Variants in ADK observed in about 807,000 individuals in gnomAD.
ADK encodes N6,N6-dimethyladenosine kinase.
Under a neutral mutation model 44.7 loss-of-function variants are expected in ADK, and 24 were observed. The ratio of observed to expected loss-of-function variants is 0.54; its 90% CI spans 0.39 to 0.76. The LOEUF (loss-of-function observed/expected upper bound fraction) is 0.76. Among genes scored for constraint, ADK ranks in the 30% least tolerant of loss-of-function variants. The probability of loss-of-function intolerance (pLI) is 0.00; values close to 1 mark genes in which losing one functional copy is unlikely to be tolerated. For synonymous variants in ADK, 128 were observed against 142.6 expected, an observed-to-expected ratio of 0.90 and a Z score of 0.73; for missense variants, 321 against 425.1, an observed-to-expected ratio of 0.76 and a Z score of 2.15.
chr10:74,472,656 T>C (rs2133302869), intron 6 of ADK, among the ~76,000 whole-genome samples: 1 of 152,340 alleles, frequency 6.6e-6, no homozygotes, highest in Non-Finnish European at 1.5e-5. Flanking sequence ...TCTTTACCTG[T>C]ACATTTTTAA....
intron 7 of ADK, chr10:74,527,450 T>C (rs182372441): frequency 6.4e-5 from 32 of 499,956 alleles, no homozygotes; most frequent in African/African-American, 6.0e-4. Context: ...TTGAATGCCA[T>C]AAAAAATGCT....
At chr10:74,486,209 C>A (rs58465256) in intron 6 of ADK, among the ~76,000 whole-genome samples, 6,299 of 152,118 alleles carry the variant, frequency 0.041, 394 homozygotes, top group African/African-American at 0.13. Flanking sequence ...GTTGTCTTTT[C>A]CACACTTGCA....
At chr10:74,475,074 G>A (rs1003680096) in intron 6 of ADK, among the ~76,000 whole-genome samples, 3 of 151,862 alleles carry the variant, frequency 2.0e-5, no homozygotes, top group Non-Finnish European at 2.9e-5. Context: ...TCAGTGAGCC[G>A]AGTTCACGCC....
At chr10:74,504,862 G>C (rs1008753074) in intron 6 of ADK, among the ~76,000 whole-genome samples, 3 of 152,068 alleles carry the variant, frequency 2.0e-5, no homozygotes, top group African/African-American at 7.2e-5. Flanking sequence ...TGTTTCCTGA[G>C]GCCTCCCCAG....
At chr10:74,691,803 A>G (rs1855998789) in intron 10 of ADK, among the ~76,000 whole-genome samples, 1 of 152,088 alleles carries the variant, frequency 6.6e-6, no homozygotes. Context: ...AATACTAAGA[A>G]TTTTTTTTAA....
chr10:74,642,593 A>G (rs1158284670), intron 9 of ADK, among the ~76,000 whole-genome samples: 1 of 152,024 alleles, frequency 6.6e-6, no homozygotes, highest in Non-Finnish European at 1.5e-5. Flanking sequence ...GGTTACTGAT[A>G]TCATCTTTAC....
intron 10 of ADK, among the ~76,000 whole-genome samples, chr10:74,705,509 A>G (rs1016684602): frequency 6.6e-6 from 1 of 152,202 alleles, no homozygotes; most frequent in African/African-American, 2.4e-5. Context: ...CACTGCTCCC[A>G]TGGCCTTTTC....
chr10:74,479,365 T>C (rs1280442094), intron 6 of ADK, among the ~76,000 whole-genome samples: 1 of 151,528 alleles, frequency 6.6e-6, no homozygotes, highest in Non-Finnish European at 1.5e-5. Context: ...TATCATTCTC[T>C]ATCTCTTTTA....
At chr10:74,484,669 T>A (rs1847201992) in intron 6 of ADK, among the ~76,000 whole-genome samples, 1 of 152,232 alleles carries the variant, frequency 6.6e-6, no homozygotes. Context: ...CAAAGTGGGA[T>A]GTAGCCTACC....
intron 6 of ADK, among the ~76,000 whole-genome samples, chr10:74,518,232 G>C (rs1166560590): frequency 6.6e-6 from 1 of 152,192 alleles, no homozygotes; most frequent in Non-Finnish European, 1.5e-5. Context: ...ATGTTCTTCA[G>C]AACAGACGAC....
intron 4 of ADK, among the ~76,000 whole-genome samples, chr10:74,379,867 T>G (rs76186576): frequency 0.02 from 3,111 of 151,902 alleles, 43 homozygotes; most frequent in Non-Finnish European, 0.029. Context: ...CTCTGAAAAA[T>G]TGAAGAATTA....
intron 6 of ADK, among the ~76,000 whole-genome samples, chr10:74,443,186 T>A (rs1845482695): frequency 6.6e-6 from 1 of 152,316 alleles, no homozygotes; most frequent in Non-Finnish European, 1.5e-5. Flanking sequence ...CAAAAAAAGA[T>A]AAATTTGTAA....
chr10:74,605,773 G>T (rs185982047), intron 9 of ADK, among the ~76,000 whole-genome samples: 1 of 152,264 alleles, frequency 6.6e-6, no homozygotes, highest in African/African-American at 2.4e-5. Context: ...AATTAGAGAG[G>T]AGTCCCTCTT....
intron 6 of ADK, among the ~76,000 whole-genome samples, chr10:74,500,441 T>C (rs898182585): frequency 6.6e-6 from 1 of 152,202 alleles, no homozygotes; most frequent in African/African-American, 2.4e-5. Flanking sequence ...CTGGAGGGCT[T>C]GGGAAAACAC....
intron 4 of ADK, among the ~76,000 whole-genome samples, chr10:74,358,975 G>T (rs997855010): frequency 1.3e-5 from 2 of 151,994 alleles, no homozygotes; most frequent in African/African-American, 4.8e-5. Context: ...TCTCTGTGGT[G>T]CCCAGTCTGG....
chr10:74,333,111 G>A (rs1156796897), intron 4 of ADK, among the ~76,000 whole-genome samples: 1 of 152,056 alleles, frequency 6.6e-6, no homozygotes, highest in Non-Finnish European at 1.5e-5. Flanking sequence ...TATAAAAAAT[G>A]AGATGACAAA....
intron 4 of ADK, among the ~76,000 whole-genome samples, chr10:74,376,495 A>T (rs1348082195): frequency 6.6e-6 from 1 of 152,110 alleles, no homozygotes; most frequent in Non-Finnish European, 1.5e-5. Flanking sequence ...TACATTTGCC[A>T]AACCTGATTT....
intron 4 of ADK, chr10:74,372,479 T>TAA: frequency 2.9e-6 from 1 of 343,046 alleles, no homozygotes; most frequent in Non-Finnish European, 5.4e-6. Flanking sequence ...AAATGTCAGT[T>TAA]TAAAAAAAAA....
chr10:74,522,261 A>T (rs992885203), intron 6 of ADK, among the ~76,000 whole-genome samples: 1 of 152,222 alleles, frequency 6.6e-6, no homozygotes, highest in Admixed American at 6.5e-5. Context: ...TCTAATGGTA[A>T]TAAACCTAGG....
Sources: allele counts gnomAD v4.1 joint callset (sites outside exome capture counted in the v4.1 genomes callset), GRCh38; gene constraint gnomAD v4.1.1; transcripts MANE v1.5; gene names NCBI Gene and HGNC (gene_info 2026-07-23, HGNC 2026-07-21).